Variants in PKP4 observed in about 807,000 individuals in gnomAD.
PKP4 encodes plakophilin 4.
PKP4 carries 90 observed loss-of-function variants against 145.1 expected under a neutral mutation model. The observed-to-expected ratio is 0.62, with a 90% confidence interval of 0.52 to 0.74. PKP4 has a LOEUF of 0.74. Ranked by LOEUF, PKP4 falls within the 30% of genes least tolerant of loss-of-function variation. The pLI, the probability that PKP4 is intolerant of heterozygous loss-of-function variation, is 0.00. For missense variants in PKP4, 1,340 were observed against 1,482.7 expected, an observed-to-expected ratio of 0.90 and a Z score of 1.58; for synonymous variants, 563 against 577.2, an observed-to-expected ratio of 0.98 and a Z score of 0.35.
intron 11 of PKP4, 64 bp from the exon 12 acceptor site, chr2:158,658,067 G>A (rs944793319): frequency 2.1e-5 from 20 of 941,024 alleles, no homozygotes; most frequent in Admixed American, 4.6e-5. Flanking sequence ...GAGCTAATAC[G>A]TTTATTTTAT....
At chr2:158,614,851 AC>A (rs2051445745) in intron 4 of PKP4, among the ~76,000 whole-genome samples, 1 of 151,926 alleles carries the variant, frequency 6.6e-6, no homozygotes, top group Admixed American at 6.6e-5. Flanking sequence ...AAGTCTGAAA[AC>A]CCTTCTTTTT....
intron 12 of PKP4, chr2:158,659,968 A>C: frequency 6.6e-6 from 1 of 152,310 alleles, no homozygotes; most frequent in East Asian, 1.9e-4. Flanking sequence ...GCAAACAGTG[A>C]GAGTGGCCTA....
At chr2:158,675,803 GA>G (rs2057953400) in intron 19 of PKP4, among the ~76,000 whole-genome samples, 1 of 152,174 alleles carries the variant, frequency 6.6e-6, no homozygotes, top group Non-Finnish European at 1.5e-5. Context: ...GACTTTTTAG[GA>G]AAAGTATTTC....
chr2:158,578,214 T>A (rs900225699), intron 3 of PKP4: 4 of 248,184 alleles, frequency 1.6e-5, no homozygotes, highest in Non-Finnish European at 3.5e-5. Context: ...GTGAATAGAA[T>A]TCTGTCTGTT....
At chr2:158,545,965 C>G (rs754945886) in intron 2 of PKP4, among the ~76,000 whole-genome samples, 2 of 152,068 alleles carry the variant, frequency 1.3e-5, no homozygotes, top group Admixed American at 6.6e-5. Flanking sequence ...ATTATTCTTG[C>G]TGGTTTGAAT....
intron 1 of PKP4, among the ~76,000 whole-genome samples, chr2:158,526,524 TATC>T (rs1480639148): frequency 9.7e-5 from 4 of 41,194 alleles, no homozygotes; most frequent in African/African-American, 4.1e-4. Context: ...CCACAGCCAA[TATC>T]ATACTGAATG....
At chr2:158,517,052 T>A (rs1275916995) in intron 1 of PKP4, among the ~76,000 whole-genome samples, 1 of 152,220 alleles carries the variant, frequency 6.6e-6, no homozygotes. Context: ...CTCTAGTAAT[T>A]CACATATAAA....
At position 158,661,361 on chromosome 2, in the gene PKP4, C is replaced by G. The variant is rs762170523; in HGVS notation, c.2122C>G (p.Arg708Gly). The part of the protein sequence containing the change: ...RNLSSAGEEA[R>G]KQMRSCEGLV... ...CCTCAGCTCCGCGGGGGAAGAAGCT[C>G]GGAAGCAAATGCGGTCCTGCGAGGG... Residue 708 changes from arginine (R) to glycine (G), a missense_variant, in exon 13 of 22, where the codon CGG becomes GGG. Arg to Gly is a moderately radical substitution (Grantham distance 125, BLOSUM62 -2). Transcript: ENST00000389759. 2 of 1,613,778 alleles carry G rather than the reference C, an allele frequency of 1.2e-6. No individual in the cohort carries two copies. The highest frequency in any genetic ancestry group is 1.7e-6 in the Non-Finnish European group (2 of 1,179,762).
At chr2:158,594,370 C>T (rs1383779192) in intron 3 of PKP4, among the ~76,000 whole-genome samples, 1 of 152,122 alleles carries the variant, frequency 6.6e-6, no homozygotes, top group Non-Finnish European at 1.5e-5. Context: ...ATTTGTTATG[C>T]CTTGCTTAGT....
At chr2:158,651,287 C>A (rs573154263) in intron 11 of PKP4, among the ~76,000 whole-genome samples, 3 of 152,124 alleles carry the variant, frequency 2.0e-5, no homozygotes, top group African/African-American at 7.2e-5. Context: ...TATTTTCACA[C>A]GTATTCAAAC....
chr2:158,670,529 A>G (rs1006573715), intron 17 of PKP4, among the ~76,000 whole-genome samples: 1 of 152,178 alleles, frequency 6.6e-6, no homozygotes, highest in Middle Eastern at 3.2e-3. Context: ...AGCAGTCCCT[A>G]AAGCCACAAC....
At chr2:158,543,680 A>G (rs2044713923) in intron 2 of PKP4, among the ~76,000 whole-genome samples, 1 of 152,234 alleles carries the variant, frequency 6.6e-6, no homozygotes, top group Non-Finnish European at 1.5e-5. Flanking sequence ...ATCCTGCAGA[A>G]CAGCTCTTTA....
At chr2:158,483,261 C>T (rs1168154819) in intron 1 of PKP4, among the ~76,000 whole-genome samples, 1 of 151,850 alleles carries the variant, frequency 6.6e-6, no homozygotes, top group African/African-American at 2.4e-5. Context: ...ATTGTTAATG[C>T]ATTTTATTCA....
At chr2:158,601,668 C>T (rs929687007) in intron 3 of PKP4, among the ~76,000 whole-genome samples, 2 of 152,170 alleles carry the variant, frequency 1.3e-5, no homozygotes, top group Admixed American at 1.3e-4. Flanking sequence ...AACTGATTGA[C>T]TCCACTTGCT....
At chr2:158,540,536 C>G (rs1405228356) in intron 2 of PKP4, among the ~76,000 whole-genome samples, 1 of 152,120 alleles carries the variant, frequency 6.6e-6, no homozygotes, top group East Asian at 1.9e-4. Flanking sequence ...CATATAGTTT[C>G]TACTCTCAGA....
intron 4 of PKP4, among the ~76,000 whole-genome samples, chr2:158,612,601 G>C (rs554398210): frequency 1.2e-4 from 18 of 152,042 alleles, no homozygotes; most frequent in African/African-American, 4.3e-4. Context: ...ATAGCACCTG[G>C]TAGTCCTATC....
At chr2:158,548,227 C>A (rs1156349153) in intron 2 of PKP4, among the ~76,000 whole-genome samples, 2 of 152,130 alleles carry the variant, frequency 1.3e-5, no homozygotes, top group Non-Finnish European at 2.9e-5. Flanking sequence ...GAAATAACAT[C>A]TTATGCTTCA....
At chr2:158,568,056 T>G (rs1203646901) in intron 2 of PKP4, among the ~76,000 whole-genome samples, 1 of 152,166 alleles carries the variant, frequency 6.6e-6, no homozygotes, top group Non-Finnish European at 1.5e-5. Flanking sequence ...GGTTTCTGGC[T>G]GGGCATGGTG....
rs111954840 is a variant in PKP4 at position 158,498,716 on chromosome 2, A to G, written c.-5-34464A>G. On this transcript the variant is annotated intron_variant, in intron 1 of 21. Coordinates refer to ENST00000389759, the MANE Select transcript of PKP4 (RefSeq NM_003628.6). ...AGGGCAAACAGTCTTGGCCTGTTCT[A>G]GAACCTTGACTCCTCTGTGCTCTGC... Among the ~76,000 whole-genome samples, 469 of 152,254 alleles carry G rather than the reference A, an allele frequency of 3.1e-3. 5 individuals are homozygous for G. Among genetic ancestry groups the G allele is most frequent in the African/African-American group, 0.011 (444 of 41,562 alleles).
Sources: gnomAD v4.1 joint callset for allele counts (sites outside exome capture counted in the v4.1 genomes callset) on GRCh38, gnomAD v4.1.1 for gene constraint, MANE v1.5 for transcripts, NCBI Gene and HGNC (gene_info 2026-07-23, HGNC 2026-07-21) for gene names.